Variants in ACTC1 observed in about 807,000 individuals in gnomAD.
The protein encoded by ACTC1 is actin alpha cardiac muscle 1.
A neutral mutation model predicts 31.6 loss-of-function variants in ACTC1; 10 were observed. The ratio of observed to expected loss-of-function variants is 0.32; its 90% CI spans 0.19 to 0.54. The LOEUF (loss-of-function observed/expected upper bound fraction) is 0.54. ACTC1 is among the 20% of genes least tolerant of loss of function. The pLI is 0.95. For synonymous variants in ACTC1, 196 were observed against 185.0 expected, an observed-to-expected ratio of 1.06 and a Z score of -0.48; for missense variants, 129 against 506.4, an observed-to-expected ratio of 0.25 and a Z score of 7.15.
chr15:34,793,814 C>A lies in ACTC1; in HGVS notation c.130-245G>T, dbSNP rs1414167861. 6.6e-6 allele frequency among the ~76,000 whole-genome samples: 1 copy of A among 152,124 alleles called. No homozygotes were observed. Among genetic ancestry groups the A allele is most frequent in the Non-Finnish European group, 1.5e-5 (1 of 68,020 alleles). On this transcript the variant is annotated intron_variant, in intron 2 of 6. Coordinates refer to ENST00000290378, the MANE Select transcript of ACTC1 (RefSeq NM_005159.5). This position sits in a 1 kb window ranked among gnomAD's most constrained non-coding sequence, Gnocchi z 4.8. Reference sequence around the variant, plus strand: ...TAACTCAGGAGAGAATGAAGCTATTCCACTGAAGAAGCAGAGCCTCACCTC... The same window carrying A: ...TAACTCAGGAGAGAATGAAGCTATTACACTGAAGAAGCAGAGCCTCACCTC...
chr15:34,791,336 C>A, intron 5 of ACTC1, 41 bp from the exon 6 acceptor site: 2 of 1,225,868 alleles, frequency 1.6e-6, no homozygotes, highest in Admixed American at 4.1e-5. Context: ...CACACACACA[C>A]ACACACACAC....
intron 6 of ACTC1, 120 bp downstream of exon 6, chr15:34,790,994 C>T (rs1891693057): frequency 1.0e-6 from 1 of 963,844 alleles, no homozygotes. Flanking sequence ...GGTAGAAAAG[C>T]TAACAGGTAA....
Position 34,792,728 on chromosome 15 carries a change from C to G in ACTC1, c.455-159G>C. The G allele has an allele frequency of 1.3e-6, 1 of 764,740 alleles. No homozygotes were observed. The highest frequency in any genetic ancestry group is 2.2e-6 in the Non-Finnish European group (1 of 454,322). 47.4% of individuals were successfully genotyped at this position (764,740 alleles called of 1,614,324 possible). A position where few individuals can be genotyped will look rare whatever the true frequency, so the allele number is the denominator to read the frequency against. On this transcript the variant is annotated intron_variant, in intron 3 of 6. Coordinates refer to ENST00000290378, the MANE Select transcript of ACTC1 (RefSeq NM_005159.5). The surrounding 1 kb of genome is among the most constrained non-coding windows in gnomAD (Gnocchi z 5.3). ...CTTACACACAAAGAATAAAAATGCG[C>G]ATCAGGAATACTAAATCTGAAGCAA...
chr15:34,792,427 G>A lies in ACTC1; in HGVS notation c.597C>T (p.Gly199=). The stretch of plus-strand genomic sequence containing the variant: ...ACTCACCAGTGGTGACAAAGGAGTA[G>A]CCACGCTCAGTGAGGATCTTCATGA... The part of the protein sequence containing the change: ...DYLMKILTER[G]YSFVTTAERE... Residue 199 remains glycine, a synonymous_variant, in exon 4 of 7, where the codon GGC becomes GGT. Coordinates refer to ENST00000290378, the MANE Select transcript of ACTC1 (RefSeq NM_005159.5). The surrounding 1 kb of genome is among the most constrained non-coding windows in gnomAD (Gnocchi z 5.3). 1 of 1,614,212 alleles carries A rather than the reference G, an allele frequency of 6.2e-7. No individual in the cohort carries two copies. Among genetic ancestry groups the A allele is most frequent in the Non-Finnish European group, 8.5e-7 (1 of 1,180,046 alleles).
In ACTC1 at chr15:34,790,263, A is replaced by G; in HGVS notation, c.*149T>C. ...AAGTCCTGGTCTGGTTTATTTATAAAGCAATAAATATTAGAAGCACAAACA... is the reference window on the plus strand; with the variant it reads ...AAGTCCTGGTCTGGTTTATTTATAAGGCAATAAATATTAGAAGCACAAACA... On this transcript the variant is annotated 3_prime_UTR_variant, in exon 7 of 7. Coordinates refer to ENST00000290378, the MANE Select transcript of ACTC1 (RefSeq NM_005159.5). 1 of 1,087,054 alleles carries G rather than the reference A, an allele frequency of 9.2e-7. No individual in the cohort carries two copies. The highest frequency in any genetic ancestry group is 2.5e-5 in the East Asian group (1 of 39,812). 67.3% of individuals were successfully genotyped at this position (1,087,054 alleles called of 1,614,324 possible).
In ACTC1 at chr15:34,793,878, C is replaced by T. The variant is rs1439208348; in HGVS notation, c.130-309G>A. On this transcript the variant is annotated intron_variant, in intron 2 of 6. Transcript: ENST00000290378. The surrounding 1 kb of genome is among the most constrained non-coding windows in gnomAD (Gnocchi z 4.8). ...CATATGCCTTCATTAAGTTATTAAG[C>T]TCATCACCCATGTCAACTGGAATAT... Among the ~76,000 whole-genome samples the T allele has an allele frequency of 2.6e-5, 4 of 152,228 alleles. No individual in the cohort carries two copies. Among genetic ancestry groups the T allele is most frequent in the Non-Finnish European group, 5.9e-5 (4 of 68,030 alleles).
Position 34,792,730 on chromosome 15 carries a change from T to A in ACTC1, c.455-161A>T, listed in dbSNP as rs1309254676. ...TACACACAAAGAATAAAAATGCGCA[T>A]CAGGAATACTAAATCTGAAGCAAAC... is the stretch of plus-strand genomic sequence containing the variant. On this transcript the variant is annotated intron_variant, in intron 3 of 6. Transcript: ENST00000290378. The surrounding 1 kb of genome is among the most constrained non-coding windows in gnomAD (Gnocchi z 5.3). The A allele has an allele frequency of 1.5e-5, 11 of 732,700 alleles. No individual in the cohort carries two copies. The highest frequency in any genetic ancestry group is 2.6e-5 in the Non-Finnish European group (11 of 429,310). 45.4% of individuals were successfully genotyped at this position (732,700 alleles called of 1,614,324 possible).
Position 34,790,317 on chromosome 15 carries a change from A to G in ACTC1, c.*95T>C, listed in dbSNP as rs910956441. ...TGCACGTGTGTAAACAAACTGTACA[A>G]TGATTGATGAAAGATGAGGGAAGGT... On this transcript the variant is annotated 3_prime_UTR_variant, in exon 7 of 7. Coordinates refer to ENST00000290378, the MANE Select transcript of ACTC1 (RefSeq NM_005159.5). 6.8e-6 allele frequency: 10 copies of G among 1,480,336 alleles called. No individual in the cohort carries two copies. The highest frequency in any genetic ancestry group is 1.1e-5 in the South Asian group (1 of 88,358). 91.7% of individuals were successfully genotyped at this position (1,480,336 alleles called of 1,614,324 possible).
chr15:34,794,152 G>A (rs1028736804), intron 2 of ACTC1, among the ~76,000 whole-genome samples: 2 of 152,234 alleles, frequency 1.3e-5, no homozygotes, highest in Non-Finnish European at 1.5e-5. Context: ...TTTAACAAAC[G>A]AGGTGGTATG....
intron 2 of ACTC1, 41 bp downstream of exon 2, chr15:34,794,639 A>G (rs1344487710): frequency 6.2e-7 from 1 of 1,600,408 alleles, no homozygotes; most frequent in Non-Finnish European, 8.5e-7. Flanking sequence ...GCTGGACTGA[A>G]GGGGTCCCGA....
chr15:34,794,898 GAGGAC>G, intron 1 of ACTC1, 68 bp from the exon 2 acceptor site: 1 of 1,517,664 alleles, frequency 6.6e-7, no homozygotes, highest in Non-Finnish European at 9.0e-7. Context: ...TCCGCACCCA[GAGGAC>G]AGGACAGAGC....
intron 1 of ACTC1, 131 bp from the exon 2 acceptor site, chr15:34,794,961 C>G (rs1891789430): frequency 1.1e-6 from 1 of 882,030 alleles, no homozygotes; most frequent in African/African-American, 1.7e-5. Context: ...GGGAACACTC[C>G]TGCCACCTCC....
chr15:34,792,980 A>C lies in ACTC1; in HGVS notation c.454+265T>G, dbSNP rs1891737455. On this transcript the variant is annotated intron_variant, in intron 3 of 6. Transcript: ENST00000290378. The surrounding 1 kb of genome is among the most constrained non-coding windows in gnomAD (Gnocchi z 5.3). ...TGATGTGATGGTTTAAACACATAAC[A>C]ATGACTGCTGCACTCCAAGCTGCTA... 1 of 554,032 alleles carries C rather than the reference A, an allele frequency of 1.8e-6. No homozygotes were observed. The allele number at this position is 554,032 out of a possible 1,614,324, so 34.3% of individuals were successfully genotyped here.
intron 1 of ACTC1, among the ~76,000 whole-genome samples, 152 bp downstream of exon 1, chr15:34,795,351 TAAA>T (rs3059225): frequency 6.6e-5 from 9 of 136,562 alleles, no homozygotes; most frequent in Non-Finnish European, 8.0e-5. Flanking sequence ...GTGTGGGCTT[TAAA>T]AAAAAAAAAA....
intron 1 of ACTC1, among the ~76,000 whole-genome samples, chr15:34,795,084 G>T (rs1891794676): frequency 6.6e-6 from 1 of 152,110 alleles, no homozygotes; most frequent in African/African-American, 2.4e-5. Context: ...TAGGGTGCCA[G>T]GTGCAAGGAG....
intron 2 of ACTC1, among the ~76,000 whole-genome samples, chr15:34,794,171 A>T (rs1595761731): frequency 6.6e-6 from 1 of 152,202 alleles, no homozygotes; most frequent in African/African-American, 2.4e-5. Context: ...TGTCACTATC[A>T]CCATGGCACT....
chr15:34,793,143 G>A lies in ACTC1; in HGVS notation c.454+102C>T. 1.7e-6 allele frequency: 2 copies of A among 1,205,710 alleles called. No individual in the cohort carries two copies. Among genetic ancestry groups the A allele is most frequent in the Non-Finnish European group, 2.4e-6 (2 of 826,098 alleles). 74.7% of individuals were successfully genotyped at this position (1,205,710 alleles called of 1,614,324 possible). A position where few individuals can be genotyped will look rare whatever the true frequency, so the allele number is the denominator to read the frequency against. ...GCACAGACCTTGCTAGGGAATGGGA[G>A]GAAAGGGATTATCCCTTTTTCAACT... On this transcript the variant is annotated intron_variant, in intron 3 of 6. Transcript: ENST00000290378. The surrounding 1 kb of genome is among the most constrained non-coding windows in gnomAD (Gnocchi z 4.8).
chr15:34,792,031 T>G lies in ACTC1; in HGVS notation c.808+59A>C. 1 of 1,593,626 alleles carries G rather than the reference T, an allele frequency of 6.3e-7. No homozygotes were observed. The highest frequency in any genetic ancestry group is 8.6e-7 in the Non-Finnish European group (1 of 1,163,228). ...TTCTTGAGCCTTCTAGATTTTACTC[T>G]GGGAGACCCTAAGATTTCCAGGGAA... On this transcript the variant is annotated intron_variant, in intron 5 of 6. Coordinates refer to ENST00000290378, the MANE Select transcript of ACTC1 (RefSeq NM_005159.5). This position sits in a 1 kb window ranked among gnomAD's most constrained non-coding sequence, Gnocchi z 5.3.
Position 34,790,287 on chromosome 15 carries a change from C to A in ACTC1, c.*125G>T. 1 of 1,266,300 alleles carries A rather than the reference C, an allele frequency of 7.9e-7. No individual in the cohort carries two copies. Among genetic ancestry groups the A allele is most frequent in the South Asian group, 1.2e-5 (1 of 83,024 alleles). 78.4% of individuals were successfully genotyped at this position (1,266,300 alleles called of 1,614,324 possible). A position where few individuals can be genotyped will look rare whatever the true frequency, so the allele number is the denominator to read the frequency against. ...AAGCAATAAATATTAGAAGCACAAACAAATTGCACGTGTGTAAACAAACTG... is the reference window on the plus strand; with the variant it reads ...AAGCAATAAATATTAGAAGCACAAAAAAATTGCACGTGTGTAAACAAACTG... On this transcript the variant is annotated 3_prime_UTR_variant, in exon 7 of 7. Transcript: ENST00000290378.
Sources: allele counts gnomAD v4.1 joint callset (sites outside exome capture counted in the v4.1 genomes callset), GRCh38; gene constraint gnomAD v4.1.1; non-coding constraint Gnocchi (gnomAD v3.1); transcripts MANE v1.5; gene names NCBI Gene and HGNC (gene_info 2026-07-23, HGNC 2026-07-21).